The following TDRD9 variants were observed in gnomAD, a reference collection of about 807,000 sequenced individuals.
The protein encoded by TDRD9 is ATP-dependent RNA helicase TDRD9.
A neutral mutation model predicts 172.6 loss-of-function variants in TDRD9; 124 were observed. That is an observed-to-expected ratio of 0.72 (90% CI 0.62 to 0.83). The LOEUF is 0.83. TDRD9 is among the 40% of genes least tolerant of loss of function. The pLI is 0.00. For missense variants in TDRD9, 1,479 were observed against 1,714.1 expected (o/e 0.86, Z 2.42); for synonymous variants, 619 against 617.1 (o/e 1.00, Z -0.05).
At chr14:103,992,924 C>CAAAAAAAAAAAAAA (rs35212615) in intron 9 of TDRD9, among the ~76,000 whole-genome samples, 1 of 58,870 alleles carries the variant, frequency 1.7e-5, no homozygotes, top group Non-Finnish European at 3.1e-5. Flanking sequence ...GACTCCATCT[C>CAAAAAAAAAAAAAA]AAAAAAAAAA....
At chr14:103,929,938 C>G (rs1039888783) in intron 1 of TDRD9, among the ~76,000 whole-genome samples, 1 of 152,198 alleles carries the variant, frequency 6.6e-6, no homozygotes, top group Non-Finnish European at 1.5e-5. Flanking sequence ...CCTCATCTCA[C>G]TATTCTTTAA....
At chr14:104,036,498 C>T (rs561147873) in intron 32 of TDRD9, among the ~76,000 whole-genome samples, 63 of 152,348 alleles carry the variant, frequency 4.1e-4, no homozygotes, top group African/African-American at 1.3e-3. Flanking sequence ...AGGCCTGAGG[C>T]TTGGCTAGTG....
chr14:103,938,408 GTGTGTGTA>G (rs1286508116), intron 1 of TDRD9, among the ~76,000 whole-genome samples: 29 of 73,332 alleles, frequency 4.0e-4, no homozygotes, highest in South Asian at 1.7e-3. Flanking sequence ...GTGTGTGTGT[GTGTGTGTA>G]TATATATATA....
intron 7 of TDRD9, among the ~76,000 whole-genome samples, chr14:103,979,711 T>G (rs540658216): frequency 5.6e-4 from 85 of 152,332 alleles, no homozygotes; most frequent in African/African-American, 1.9e-3. Flanking sequence ...ACACAGACTT[T>G]GATCACTGGA....
At chr14:103,930,115 C>T (rs2030278272) in intron 1 of TDRD9, among the ~76,000 whole-genome samples, 1 of 152,128 alleles carries the variant, frequency 6.6e-6, no homozygotes, top group South Asian at 2.1e-4. Flanking sequence ...CTTGGAGTAT[C>T]TCCGTCACTC....
At chr14:103,971,212 T>A (rs2033013030) in intron 6 of TDRD9, among the ~76,000 whole-genome samples, 1 of 152,084 alleles carries the variant, frequency 6.6e-6, no homozygotes. Flanking sequence ...CTTGATCTCC[T>A]GACCTCGTGA....
chr14:104,024,706 CCTT>C, intron 25 of TDRD9, 26 bp downstream of exon 25: 3 of 1,332,570 alleles, frequency 2.3e-6, no homozygotes, highest in Non-Finnish European at 3.2e-6. Flanking sequence ...TTGAGCTTTT[CCTT>C]CTTCTTAATC....
intron 23 of TDRD9, among the ~76,000 whole-genome samples, chr14:104,018,747 G>A (rs1424600823): frequency 1.3e-5 from 2 of 152,214 alleles, no homozygotes; most frequent in African/African-American, 4.8e-5. Flanking sequence ...AAAGCCTAAA[G>A]TAGGATTTTT....
At chr14:103,961,126 A>G (rs1302622648) in intron 2 of TDRD9, among the ~76,000 whole-genome samples, 1 of 152,128 alleles carries the variant, frequency 6.6e-6, no homozygotes, top group Non-Finnish European at 1.5e-5. Context: ...TTCTTTCATT[A>G]TGTTCAAGAA....
chr14:103,977,218 G>A lies in TDRD9; in HGVS notation c.1011+1665G>A, dbSNP rs574185933. On this transcript the variant is annotated intron_variant, in intron 7 of 35. Transcript: ENST00000409874. ...AAAAATTGGATTGTTTGGGCCTGGCGCGGTGGCTTATGTCTGTAATCCCAG... is the reference window on the plus strand; with the variant it reads ...AAAAATTGGATTGTTTGGGCCTGGCACGGTGGCTTATGTCTGTAATCCCAG... Among the ~76,000 whole-genome samples, 71 of 152,134 alleles carry A rather than the reference G, an allele frequency of 4.7e-4. 2 individuals are homozygous for A. Among genetic ancestry groups the A allele is most frequent in the African/African-American group, 1.5e-3 (61 of 41,516 alleles).
At position 103,928,492 on chromosome 14, in the gene TDRD9, G is replaced by A. The variant is rs1409018170; in HGVS notation, c.-18G>A. ...GGAGACCCGGCAGTTGGGGGATGCC[G>A]ACGCCTGGGCCTTGAGGATGCTGCG... On this transcript the variant is annotated 5_prime_UTR_variant, in exon 1 of 36. Transcript: ENST00000409874. 2 of 1,431,270 alleles carry A rather than the reference G, an allele frequency of 1.4e-6. No individual in the cohort carries two copies. The highest frequency in any genetic ancestry group is 1.3e-5 in the South Asian group (1 of 74,974). The allele number at this position is 1,431,270 out of a possible 1,614,324, so 88.7% of individuals were successfully genotyped here.
At chr14:104,003,816 AG>A (rs1422882523) in intron 13 of TDRD9, among the ~76,000 whole-genome samples, 4 of 152,166 alleles carry the variant, frequency 2.6e-5, no homozygotes, top group Non-Finnish European at 4.4e-5. Flanking sequence ...TGGGAAGCAC[AG>A]GGTGCTGAGA....
chr14:103,933,739 C>T (rs2030558063), intron 1 of TDRD9, among the ~76,000 whole-genome samples: 1 of 152,128 alleles, frequency 6.6e-6, no homozygotes, highest in Non-Finnish European at 1.5e-5. Flanking sequence ...TTGCACTTGT[C>T]TCTTACTGAA....
In TDRD9 at chr14:104,026,886, G is replaced by A. The variant is rs770375180; in HGVS notation, c.3229G>A (p.Val1077Ile). 8 of 1,613,910 alleles carry A rather than the reference G, an allele frequency of 5.0e-6. No individual in the cohort carries two copies. The highest frequency in any genetic ancestry group is 1.1e-5 in the South Asian group (1 of 91,092). Reference sequence around the variant, plus strand: ...CCAGGATGCCATCAACATAAGAGACGTCCTCATCCAGCAGGGCTATGCCGA... The same window carrying A: ...CCAGGATGCCATCAACATAAGAGACATCCTCATCCAGCAGGGCTATGCCGA... ...GVQDAINIRDVLIQQGYAELT... is the reference protein window; with the variant it reads ...GVQDAINIRDILIQQGYAELT... Residue 1077 changes from valine to isoleucine, a missense_variant, in exon 28 of 36, where the codon GTC (valine) becomes ATC (isoleucine). Val to Ile is a conservative substitution (Grantham distance 29). Around this residue, in one of 3 missense-constraint regions of TDRD9, gnomAD observed 1,413 missense variants for 1,649.1 expected, o/e 0.86. Transcript: ENST00000409874.
In TDRD9 at chr14:104,052,115, C is replaced by T. The variant is rs933752781; in HGVS notation, c.*33C>T. 1.2e-5 allele frequency: 18 copies of T among 1,496,062 alleles called. No individual in the cohort carries two copies. Among genetic ancestry groups the T allele is most frequent in the Non-Finnish European group, 1.5e-5 (17 of 1,096,822 alleles). The allele number at this position is 1,496,062 out of a possible 1,614,324, so 92.7% of individuals were successfully genotyped here. A position where few individuals can be genotyped will look rare whatever the true frequency, so the allele number is the denominator to read the frequency against. On this transcript the variant is annotated 3_prime_UTR_variant, in exon 36 of 36. Transcript: ENST00000409874. ...CACAGGTGGCCTCCAGCACACCCCTCAGGAAGCTGTGGAGGCTGGATTCCA... is the reference window on the plus strand; with the variant it reads ...CACAGGTGGCCTCCAGCACACCCCTTAGGAAGCTGTGGAGGCTGGATTCCA...
chr14:104,021,981 C>T (rs2034969430), intron 23 of TDRD9, among the ~76,000 whole-genome samples, 176 bp from the exon 24 acceptor site: 1 of 152,086 alleles, frequency 6.6e-6, no homozygotes, highest in African/African-American at 2.4e-5. Flanking sequence ...TATTTCTCTT[C>T]AATTAATAAT....
In TDRD9 at chr14:103,986,263, A is replaced by T. The variant is rs373013784; in HGVS notation, c.1058A>T (p.Tyr353Phe). Reference protein sequence around the residue: ...LEEPVITKDIYEVAVSLIQMF... With the variant: ...LEEPVITKDIFEVAVSLIQMF... ...GAACCGGTGATAACTAAGGATATAT[A>T]TGAAGTTGCTGTCTCTCTCATTCAG... Residue 353 changes from tyrosine (Y) to phenylalanine (F), a missense_variant, in exon 8 of 36, where the codon TAT (tyrosine) becomes TTT (phenylalanine). By Grantham distance (22) the Tyr-to-Phe change is conservative. Around this residue, in one of 3 missense-constraint regions of TDRD9, gnomAD observed 1,413 missense variants for 1,649.1 expected, o/e 0.86. Coordinates refer to ENST00000409874, the MANE Select transcript of TDRD9 (RefSeq NM_153046.3). The T allele has an allele frequency of 6.2e-7, 1 of 1,613,532 alleles. No individual in the cohort carries two copies. The highest frequency in any genetic ancestry group is 2.2e-5 in the East Asian group (1 of 44,874).
chr14:103,947,361 T>C (rs186276623), intron 1 of TDRD9, among the ~76,000 whole-genome samples: 1 of 151,980 alleles, frequency 6.6e-6, no homozygotes, highest in African/African-American at 2.4e-5. Context: ...ATGGAGTCTC[T>C]CTCTGTCGCC....
intron 22 of TDRD9, 129 bp from the exon 23 acceptor site, chr14:104,017,963 A>G (rs1566786354): frequency 3.2e-6 from 2 of 626,944 alleles, no homozygotes; most frequent in Admixed American, 2.9e-5. Context: ...GAGTTTATAT[A>G]TTATGGTTAA....
Sources: allele counts gnomAD v4.1 joint callset (sites outside exome capture counted in the v4.1 genomes callset), GRCh38; gene constraint gnomAD v4.1.1; regional missense constraint gnomAD v4.1.1; transcripts MANE v1.5; gene names NCBI Gene and HGNC (gene_info 2026-07-23, HGNC 2026-07-21).